ZBTB20: variants seen among roughly 807,000 people sequenced by gnomAD.
ZBTB20 encodes zinc finger and BTB domain-containing protein 20.
A neutral mutation model predicts 56.9 loss-of-function variants in ZBTB20; 9 were observed. The ratio of observed to expected loss-of-function variants is 0.16; its 90% CI spans 0.10 to 0.28. The LOEUF is 0.28. Among genes scored for constraint, ZBTB20 ranks in the 10% least tolerant of loss-of-function variants. The pLI is 1.00. For missense variants in ZBTB20, 655 were observed against 1,003.0 expected, an observed-to-expected ratio of 0.65 and a Z score of 4.69; for synonymous variants, 417 against 420.7, an observed-to-expected ratio of 0.99 and a Z score of 0.11.
intron 6 of ZBTB20, among the ~76,000 whole-genome samples, chr3:114,525,555 G>A (rs150629887): frequency 1.0e-3 from 159 of 152,076 alleles, no homozygotes; most frequent in African/African-American, 3.5e-3. Context: ...TTACCATGAG[G>A]CCTGCTGATT....
At chr3:114,898,323 G>A (rs1243212342) in intron 4 of ZBTB20, among the ~76,000 whole-genome samples, 2 of 152,000 alleles carry the variant, frequency 1.3e-5, no homozygotes, top group African/African-American at 4.8e-5. Context: ...TGTATAATGG[G>A]AATAACATAC....
chr3:114,960,132 CA>C (rs1341502815), intron 3 of ZBTB20, among the ~76,000 whole-genome samples: 2 of 152,158 alleles, frequency 1.3e-5, no homozygotes, highest in Non-Finnish European at 2.9e-5. Flanking sequence ...GAAGCATCTG[CA>C]AATGCAGTAA....
chr3:114,940,485 A>G (rs1380405824), intron 3 of ZBTB20, among the ~76,000 whole-genome samples: 1 of 145,392 alleles, frequency 6.9e-6, no homozygotes, highest in Non-Finnish European at 1.5e-5. Flanking sequence ...CTAGTTTCAT[A>G]GATTGCTGTC....
rs2059506614 is a variant in ZBTB20 at position 114,640,601 on chromosome 3, G to T, written c.-295+52927C>A. ...TCCAATGGCCCAGTCACAATTATTA[G>T]TAGTGTTCATTTTCACTTTCAAAAG... On this transcript the variant is annotated intron_variant, in intron 6 of 11. Transcript: ENST00000675478. 2.0e-5 allele frequency among the ~76,000 whole-genome samples: 3 copies of T among 151,976 alleles called. No individual in the cohort carries two copies. The South Asian group carries it at 6.2e-4, about 32-fold the overall frequency.
intron 6 of ZBTB20, among the ~76,000 whole-genome samples, chr3:114,548,134 T>C (rs553551980): frequency 1.3e-5 from 2 of 152,366 alleles, no homozygotes; most frequent in Admixed American, 1.3e-4. Context: ...CATGTGCATG[T>C]GCATATTCTC....
At position 114,505,178 on chromosome 3, in the gene ZBTB20, C is replaced by T. The variant is rs578018227; in HGVS notation, c.-294-4787G>A. Among the ~76,000 whole-genome samples the T allele has an allele frequency of 3.9e-5, 6 of 152,270 alleles. No individual in the cohort carries two copies. The East Asian group carries it at 5.8e-4, about 15-fold the overall frequency. On this transcript the variant is annotated intron_variant, in intron 6 of 11. Transcript: ENST00000675478. ...GCTGGGTTAAAAACAGAATCTGGGT[C>T]GTCAGACTCTCATTCCTCTTGACTA...
At chr3:114,838,824 C>T (rs1187296240) in intron 4 of ZBTB20, among the ~76,000 whole-genome samples, 1 of 151,892 alleles carries the variant, frequency 6.6e-6, no homozygotes, top group East Asian at 1.9e-4. Flanking sequence ...CCAAAATAGA[C>T]TGTAGTGGAT....
At chr3:114,726,390 AT>A (rs2065283593) in intron 5 of ZBTB20, among the ~76,000 whole-genome samples, 2 of 152,332 alleles carry the variant, frequency 1.3e-5, no homozygotes, top group South Asian at 4.1e-4. Flanking sequence ...AGAATTTTTA[AT>A]TGTCAAAATA....
chr3:115,036,919 T>C (rs1276718172), intron 2 of ZBTB20, among the ~76,000 whole-genome samples: 1 of 152,148 alleles, frequency 6.6e-6, no homozygotes, highest in East Asian at 1.9e-4. Context: ...CCCCTAGCAT[T>C]AGCAGAGAGC....
chr3:115,102,118 T>C (rs529421554), intron 1 of ZBTB20, among the ~76,000 whole-genome samples: 21 of 152,228 alleles, frequency 1.4e-4, no homozygotes, highest in Admixed American at 2.6e-4. Flanking sequence ...CCTGGGAAAA[T>C]TTCTAGTAAG....
chr3:114,919,710 A>G (rs1201936162), intron 3 of ZBTB20, among the ~76,000 whole-genome samples: 1 of 152,148 alleles, frequency 6.6e-6, no homozygotes, highest in South Asian at 2.1e-4. Context: ...ATCTCAAAAA[A>G]AAAAAAGAAC....
chr3:114,828,689 G>T (rs1019317816), intron 4 of ZBTB20, among the ~76,000 whole-genome samples: 1 of 151,804 alleles, frequency 6.6e-6, no homozygotes, highest in Non-Finnish European at 1.5e-5. Context: ...ATTATGCAGG[G>T]TGATGTTCTT....
chr3:114,849,854 A>T (rs188038641), intron 4 of ZBTB20, among the ~76,000 whole-genome samples: 24 of 149,928 alleles, frequency 1.6e-4, no homozygotes, highest in African/African-American at 5.8e-4. Flanking sequence ...CTGATAAGAG[A>T]TTCTTAATAA....
At chr3:114,867,582 C>T (rs2107523314) in intron 4 of ZBTB20, among the ~76,000 whole-genome samples, 1 of 152,162 alleles carries the variant, frequency 6.6e-6, no homozygotes, top group South Asian at 2.1e-4. Flanking sequence ...GTTACAGACG[C>T]ACCCCACCAC....
chr3:114,650,614 A>G (rs1435797136), intron 6 of ZBTB20, among the ~76,000 whole-genome samples: 1 of 151,906 alleles, frequency 6.6e-6, no homozygotes, highest in Admixed American at 6.6e-5. Context: ...TATTACCAGT[A>G]GGCTTTTTAA....
At chr3:114,404,929 T>C (rs2087164280) in intron 7 of ZBTB20, among the ~76,000 whole-genome samples, 1 of 152,138 alleles carries the variant, frequency 6.6e-6, no homozygotes, top group South Asian at 2.1e-4. Flanking sequence ...AAGAAGCAGC[T>C]TAGTTTGACC....
chr3:114,645,284 T>G (rs917513020), intron 6 of ZBTB20, among the ~76,000 whole-genome samples: 3 of 152,194 alleles, frequency 2.0e-5, no homozygotes, highest in Non-Finnish European at 1.5e-5. Context: ...CTACCAACTG[T>G]TCTCAAACCC....
At chr3:114,694,858 A>G (rs1296780953) in intron 5 of ZBTB20, among the ~76,000 whole-genome samples, 1 of 152,092 alleles carries the variant, frequency 6.6e-6, no homozygotes, top group East Asian at 1.9e-4. Context: ...TTCTTTTATA[A>G]AGGCAGAAAG....
chr3:114,402,190 T>G (rs1308410342), intron 7 of ZBTB20, among the ~76,000 whole-genome samples: 1 of 152,174 alleles, frequency 6.6e-6, no homozygotes, highest in East Asian at 1.9e-4. Context: ...ACACCCACTT[T>G]GAGGACCAGC....
Sources: allele counts gnomAD v4.1 joint callset (sites outside exome capture counted in the v4.1 genomes callset), GRCh38; gene constraint gnomAD v4.1.1; transcripts MANE v1.5; gene names NCBI Gene and HGNC (gene_info 2026-07-23, HGNC 2026-07-21).